SNTG2: variants seen among roughly 807,000 people sequenced by gnomAD.
The protein encoded by SNTG2 is gamma-2-syntrophin.
A neutral mutation model predicts 70.9 loss-of-function variants in SNTG2; 74 were observed. The observed-to-expected ratio is 1.04, with a 90% confidence interval of 0.86 to 1.27. SNTG2 has a LOEUF of 1.27. Among genes scored for constraint, SNTG2 ranks in the 50% most tolerant of loss-of-function variants. The probability of loss-of-function intolerance (pLI) is 0.00; values close to 1 mark genes in which losing one functional copy is unlikely to be tolerated. For synonymous variants in SNTG2, 278 were observed against 273.8 expected (o/e 1.02, Z -0.15); for missense variants, 717 against 690.7 (o/e 1.04, Z -0.43).
In SNTG2 at chr2:1,222,061, CTGTTTCTCTCTG is replaced by C. The variant is rs1407528469; in HGVS notation, c.719+12833_719+12844del. On this transcript the variant is annotated intron_variant, in intron 9 of 16. Transcript: ENST00000308624. ...TGTCTCTCTCTGTCTCTCTCTGTCTCTGTTTCTCTCTGTCTCTGTCTCTGTCTCTCTCTGTCT... is the reference window on the plus strand; with the variant it reads ...TGTCTCTCTCTGTCTCTCTCTGTCTCTCTCTGTCTCTGTCTCTCTCTGTCT... 4.5e-4 allele frequency among the ~76,000 whole-genome samples: 24 copies of C among 52,832 alleles called. 7 individuals carry two copies. Among genetic ancestry groups the C allele is most frequent in the African/African-American group, 1.1e-3 (18 of 15,726 alleles). The allele number at this position is 52,832 out of a possible 152,430, so 34.7% of individuals were successfully genotyped here.
intron 1 of SNTG2, among the ~76,000 whole-genome samples, chr2:1,027,866 C>T (rs1572249121): frequency 1.4e-5 from 2 of 144,978 alleles, no homozygotes; most frequent in East Asian, 2.2e-4. Context: ...CACTACCCAG[C>T]AAGTAACTCA....
chr2:1,066,455 G>A (rs35565579), intron 1 of SNTG2, among the ~76,000 whole-genome samples: 26,882 of 151,516 alleles, frequency 0.18, 2,462 homozygotes, highest in South Asian at 0.22. Context: ...CGACTTGCTG[G>A]GCACACTTCT....
intron 14 of SNTG2, among the ~76,000 whole-genome samples, chr2:1,275,146 CA>C (rs1418299902): frequency 6.6e-5 from 10 of 152,228 alleles, no homozygotes; most frequent in Non-Finnish European, 5.9e-5. Flanking sequence ...AGAATGGCAG[CA>C]AGCCACCCAC....
At chr2:1,132,635 C>T (rs1386294978) in intron 4 of SNTG2, among the ~76,000 whole-genome samples, 1 of 152,178 alleles carries the variant, frequency 6.6e-6, no homozygotes, top group Non-Finnish European at 1.5e-5. Flanking sequence ...GGGGGTGACT[C>T]TGAGCGGAGT....
At chr2:1,306,711 C>T (rs907216590) in intron 14 of SNTG2, among the ~76,000 whole-genome samples, 8 of 76,190 alleles carry the variant, frequency 1.1e-4, no homozygotes, top group East Asian at 4.1e-4. Flanking sequence ...TGTGTGTGTG[C>T]CATGCACTGT....
intron 2 of SNTG2, among the ~76,000 whole-genome samples, chr2:1,095,028 T>C (rs1665295665): frequency 6.8e-6 from 1 of 146,254 alleles, no homozygotes; most frequent in Non-Finnish European, 1.5e-5. Flanking sequence ...TATATGTGTG[T>C]CCTCACATGG....
At chr2:1,001,913 A>G (rs1180628151) in intron 1 of SNTG2, among the ~76,000 whole-genome samples, 1 of 152,126 alleles carries the variant, frequency 6.6e-6, no homozygotes, top group Non-Finnish European at 1.5e-5. Context: ...ATATAAAAAT[A>G]GACATGTAGA....
intron 8 of SNTG2, among the ~76,000 whole-genome samples, chr2:1,199,550 G>A (rs1358312077): frequency 1.3e-5 from 2 of 152,118 alleles, no homozygotes; most frequent in South Asian, 2.1e-4. Context: ...GAAACAAAAG[G>A]CATTCACATT....
intron 1 of SNTG2, among the ~76,000 whole-genome samples, chr2:985,576 T>C (rs1233755625): frequency 6.6e-6 from 1 of 152,130 alleles, no homozygotes; most frequent in East Asian, 1.9e-4. Context: ...GCTTTTTAAC[T>C]TTGGGGGATA....
At chr2:1,238,216 A>G (rs188399612) in intron 10 of SNTG2, among the ~76,000 whole-genome samples, 199 bp downstream of exon 10, 1 of 152,122 alleles carries the variant, frequency 6.6e-6, no homozygotes, top group Non-Finnish European at 1.5e-5. Flanking sequence ...GGCAATGTCT[A>G]ACAGCTGAGA....
intron 1 of SNTG2, among the ~76,000 whole-genome samples, chr2:1,017,555 A>G (rs995026903): frequency 1.3e-5 from 2 of 152,214 alleles, no homozygotes; most frequent in African/African-American, 4.8e-5. Context: ...AGGGACACAC[A>G]CACACATACA....
intron 8 of SNTG2, among the ~76,000 whole-genome samples, chr2:1,176,715 T>C (rs1160597771): frequency 6.6e-6 from 1 of 151,054 alleles, no homozygotes; most frequent in Admixed American, 6.6e-5. Flanking sequence ...AAGACATTCA[T>C]GTGGCCAACA....
At chr2:1,089,168 T>C (rs1471898018) in intron 2 of SNTG2, among the ~76,000 whole-genome samples, 2 of 152,224 alleles carry the variant, frequency 1.3e-5, no homozygotes. Context: ...TTATCTGTCA[T>C]CACTTGGATA....
intron 1 of SNTG2, among the ~76,000 whole-genome samples, chr2:1,009,022 A>G (rs1264190090): frequency 6.7e-6 from 1 of 149,744 alleles, no homozygotes; most frequent in East Asian, 1.9e-4. Context: ...AAAGAAATGC[A>G]CCTTTTTTTA....
At chr2:961,361 G>T (rs1236395476) in intron 1 of SNTG2, among the ~76,000 whole-genome samples, 1 of 152,074 alleles carries the variant, frequency 6.6e-6, no homozygotes, top group Non-Finnish European at 1.5e-5. Context: ...TCACAATGTT[G>T]GCCAGGCTCC....
At chr2:1,024,278 TAACTA>T (rs1660355401) in intron 1 of SNTG2, among the ~76,000 whole-genome samples, 2 of 152,240 alleles carry the variant, frequency 1.3e-5, no homozygotes, top group African/African-American at 2.4e-5. Flanking sequence ...ATATAAAACT[TAACTA>T]AGCCATACAT....
At chr2:1,357,280 A>G (rs1660902550) in intron 16 of SNTG2, among the ~76,000 whole-genome samples, 4 of 152,150 alleles carry the variant, frequency 2.6e-5, no homozygotes. Context: ...TTAGTCATGG[A>G]CTTTTGACAT....
chr2:951,195 A>T (rs1572154462), intron 1 of SNTG2, 127 bp downstream of exon 1: 1 of 445,286 alleles, frequency 2.2e-6, no homozygotes, highest in African/African-American at 2.1e-5. Context: ...GTCTCCGGGG[A>T]CGGCTGGCCG....
intron 1 of SNTG2, among the ~76,000 whole-genome samples, chr2:1,034,118 G>A (rs2148041474): frequency 6.7e-6 from 1 of 149,790 alleles, no homozygotes; most frequent in Admixed American, 6.7e-5. Context: ...TTTTTTTTCT[G>A]ATCTTCTCCC....
Sources: allele counts gnomAD v4.1 joint callset (sites outside exome capture counted in the v4.1 genomes callset), GRCh38; gene constraint gnomAD v4.1.1; transcripts MANE v1.5; gene names NCBI Gene and HGNC (gene_info 2026-07-23, HGNC 2026-07-21).